Variants in PTPRD observed in about 807,000 individuals in gnomAD.
PTPRD encodes protein tyrosine phosphatase receptor type D, also known as receptor-type tyrosine-protein phosphatase delta.
A neutral mutation model predicts 214.5 loss-of-function variants in PTPRD; 34 were observed. The ratio of observed to expected loss-of-function variants is 0.16; its 90% confidence interval spans 0.12 to 0.21. The LOEUF is 0.21. Among genes scored for constraint, PTPRD ranks in the 10% least tolerant of loss-of-function variants. The probability of loss-of-function intolerance (pLI) is 1.00; values close to 1 mark genes in which losing one functional copy is unlikely to be tolerated. For synonymous variants in PTPRD, 1,128 were observed against 845.7 expected (o/e 1.33, Z -5.79); for missense variants, 2,545 against 2,398.7 (o/e 1.06, Z -1.27).
At chr9:9,813,510 T>C (rs1008829648) in intron 5 of PTPRD, among the ~76,000 whole-genome samples, 3 of 152,040 alleles carry the variant, frequency 2.0e-5, no homozygotes, top group Admixed American at 6.5e-5. Flanking sequence ...ATAAATTGGA[T>C]AGCCTAGAAG....
chr9:8,897,304 A>G (rs1262245159), intron 11 of PTPRD, among the ~76,000 whole-genome samples: 2 of 140,168 alleles, frequency 1.4e-5, no homozygotes, highest in African/African-American at 3.0e-5. Context: ...GCATAAGAGA[A>G]GTTTACAAAG....
At chr9:9,676,037 T>C (rs2096922124) in intron 7 of PTPRD, among the ~76,000 whole-genome samples, 1 of 152,104 alleles carries the variant, frequency 6.6e-6, no homozygotes, top group Admixed American at 6.6e-5. Flanking sequence ...ATTTATCACA[T>C]GAACAGATTA....
At chr9:10,576,711 G>A (rs35828102) in intron 2 of PTPRD, among the ~76,000 whole-genome samples, 9,072 of 152,084 alleles carry the variant, frequency 0.06, 353 homozygotes, top group Non-Finnish European at 0.086. Context: ...ATCAACAGAG[G>A]ATTCAATATG....
chr9:8,400,433 C>T (rs956686378), intron 36 of PTPRD, among the ~76,000 whole-genome samples: 6 of 152,138 alleles, frequency 3.9e-5, no homozygotes, highest in Non-Finnish European at 7.4e-5. Context: ...TGATGATTCC[C>T]ATATTGTGTC....
At chr9:10,413,508 A>G (rs1299048913) in intron 2 of PTPRD, among the ~76,000 whole-genome samples, 1 of 152,042 alleles carries the variant, frequency 6.6e-6, no homozygotes, top group Non-Finnish European at 1.5e-5. Flanking sequence ...AGGAAGAATC[A>G]ATATCATTAA....
chr9:10,306,975 A>T (rs1340946983), intron 3 of PTPRD, among the ~76,000 whole-genome samples: 1 of 152,130 alleles, frequency 6.6e-6, no homozygotes, highest in Admixed American at 6.6e-5. Flanking sequence ...TATGGGGTAC[A>T]TGTGATATTT....
chr9:8,844,698 G>A (rs531610239), intron 11 of PTPRD, among the ~76,000 whole-genome samples: 41 of 152,204 alleles, frequency 2.7e-4, no homozygotes, highest in Middle Eastern at 6.8e-3. Flanking sequence ...ACAAAAAGAT[G>A]GTCCAATAAT....
chr9:10,371,673 C>T (rs1051904834), intron 2 of PTPRD, among the ~76,000 whole-genome samples: 9 of 152,070 alleles, frequency 5.9e-5, no homozygotes, highest in African/African-American at 2.2e-4. Context: ...CATCTCAGAA[C>T]ATCTTCCTGA....
At chr9:8,662,501 G>C (rs2097082807) in intron 12 of PTPRD, among the ~76,000 whole-genome samples, 2 of 152,108 alleles carry the variant, frequency 1.3e-5, no homozygotes, top group Admixed American at 1.3e-4. Context: ...GCCCACACCT[G>C]TTGTCTAATT....
chr9:8,639,867 G>C (rs889459981), intron 12 of PTPRD, among the ~76,000 whole-genome samples: 8 of 152,216 alleles, frequency 5.3e-5, no homozygotes, highest in African/African-American at 1.9e-4. Flanking sequence ...ATAGGTATGA[G>C]TGCCATTTCG....
intron 8 of PTPRD, among the ~76,000 whole-genome samples, chr9:9,485,455 C>A (rs2095588672): frequency 6.6e-6 from 1 of 152,156 alleles, no homozygotes; most frequent in Non-Finnish European, 1.5e-5. Flanking sequence ...GATCACTTTG[C>A]TTAGTGCATA....
At chr9:8,656,975 G>C (rs560405154) in intron 12 of PTPRD, among the ~76,000 whole-genome samples, 28 of 152,224 alleles carry the variant, frequency 1.8e-4, no homozygotes, top group Admixed American at 5.9e-4. Flanking sequence ...AAAGATGAAA[G>C]TTTATGAATT....
intron 5 of PTPRD, among the ~76,000 whole-genome samples, chr9:9,897,597 T>C (rs1357375621): frequency 6.6e-6 from 1 of 152,096 alleles, no homozygotes; most frequent in Non-Finnish European, 1.5e-5. Context: ...TATTGTAAAA[T>C]AAGCTTTCTG....
chr9:10,406,032 T>G (rs2098351300), intron 2 of PTPRD, among the ~76,000 whole-genome samples: 1 of 151,236 alleles, frequency 6.6e-6, no homozygotes, highest in Non-Finnish European at 1.5e-5. Context: ...ATAAGATACA[T>G]TAGCTCAGAT....
At chr9:9,069,013 T>G (rs553109893) in intron 10 of PTPRD, among the ~76,000 whole-genome samples, 1 of 152,284 alleles carries the variant, frequency 6.6e-6, no homozygotes, top group East Asian at 1.9e-4. Context: ...AGATTTCATA[T>G]ATACAAAGGA....
chr9:9,417,577 C>T (rs2077364414), intron 8 of PTPRD, among the ~76,000 whole-genome samples: 1 of 151,700 alleles, frequency 6.6e-6, no homozygotes, highest in East Asian at 1.9e-4. Flanking sequence ...AACTCAGGGT[C>T]TTAAAAAAAT....
At chr9:8,361,802 A>C (rs986022217) in intron 39 of PTPRD, among the ~76,000 whole-genome samples, 1 of 149,114 alleles carries the variant, frequency 6.7e-6, no homozygotes, top group African/African-American at 2.6e-5. Flanking sequence ...ACTAAAAAAA[A>C]TTCTGAAAAA....
intron 11 of PTPRD, among the ~76,000 whole-genome samples, chr9:8,904,023 T>C (rs1042458474): frequency 1.3e-5 from 2 of 152,226 alleles, no homozygotes; most frequent in South Asian, 4.1e-4. Flanking sequence ...TTTTTTCAAC[T>C]TCTTATTCTG....
rs1284905425 is a variant in PTPRD at position 8,713,202 on chromosome 9, G to T, written c.64+20578C>A. On this transcript the variant is annotated intron_variant, in intron 12 of 45. Transcript: ENST00000381196. ...GCCAGAATTTCAGGGTCAAACATTT[G>T]ATCTGAAATTTGGTATCCAGTTCGC... 8.7e-6 allele frequency: 5 copies of T among 575,640 alleles called. No individual in the cohort carries two copies. The South Asian group carries it at 8.8e-5, about 10-fold the overall frequency. 35.7% of individuals were successfully genotyped at this position (575,640 alleles called of 1,614,324 possible).
Sources: allele counts gnomAD v4.1 joint callset (sites outside exome capture counted in the v4.1 genomes callset), GRCh38; gene constraint gnomAD v4.1.1; transcripts MANE v1.5; gene names NCBI Gene and HGNC (gene_info 2026-07-23, HGNC 2026-07-21).